Variants in ASCC3 observed in about 807,000 individuals in gnomAD.
ASCC3 encodes the protein ASC-1 complex subunit P200.
A neutral mutation model predicts 256.3 loss-of-function variants in ASCC3; 158 were observed. That is an observed-to-expected ratio of 0.62 (90% CI 0.54 to 0.70). ASCC3 has a LOEUF of 0.70. Among genes scored for constraint, ASCC3 ranks in the 30% least tolerant of loss-of-function variants. The probability of loss-of-function intolerance (pLI) is 0.00; values close to 1 mark genes in which losing one functional copy is unlikely to be tolerated. For synonymous variants in ASCC3, 948 were observed against 883.4 expected, an observed-to-expected ratio of 1.07 and a Z score of -1.30; for missense variants, 2,259 against 2,626.0, an observed-to-expected ratio of 0.86 and a Z score of 3.05.
chr6:100,781,841 T>G (rs1229903438), intron 8 of ASCC3, among the ~76,000 whole-genome samples: 2 of 152,036 alleles, frequency 1.3e-5, no homozygotes, highest in African/African-American at 4.8e-5. Context: ...AAATTATGTA[T>G]TACATAAGAA....
In ASCC3 at chr6:100,662,498, G is replaced by A. The variant is rs771883091; in HGVS notation, c.2325C>T (p.Phe775=). 2.5e-6 allele frequency: 4 copies of A among 1,613,088 alleles called. No homozygotes were observed. In the South Asian group the frequency reaches 4.4e-5, roughly 18 times the overall value. The change falls in exon 15 of 42, where the codon TTC becomes TTT. Residue 775 remains phenylalanine (F), a synonymous_variant. Coordinates refer to ENST00000369162, the MANE Select transcript of ASCC3 (RefSeq NM_006828.4). ...CATGATGAATACTAAAACCATCTGGGAATAATTCTCGTACTTGCTTATTTC... is the reference window on the plus strand; with the variant it reads ...CATGATGAATACTAAAACCATCTGGAAATAATTCTCGTACTTGCTTATTTC... ...RSRNKQVREL[F]PDGFSIHHAG...
chr6:100,525,543 T>A (rs922811818), intron 37 of ASCC3, among the ~76,000 whole-genome samples: 41 of 151,956 alleles, frequency 2.7e-4, no homozygotes, highest in Admixed American at 2.5e-3. Flanking sequence ...TATACCTGTA[T>A]CAAAATGTTA....
intron 34 of ASCC3, among the ~76,000 whole-genome samples, chr6:100,600,298 G>GT (rs1205514738): frequency 6.6e-6 from 1 of 151,878 alleles, no homozygotes; most frequent in Non-Finnish European, 1.5e-5. Flanking sequence ...TCAAGAAATA[G>GT]TAATGGGACC....
At chr6:100,650,101 GC>G (rs1476568838) in intron 20 of ASCC3, among the ~76,000 whole-genome samples, 2 of 151,442 alleles carry the variant, frequency 1.3e-5, no homozygotes, top group Non-Finnish European at 1.5e-5. Flanking sequence ...TGTTTACTAC[GC>G]CTTGTTTAAT....
chr6:100,662,281 T>A (rs1210506523), intron 15 of ASCC3, 64 bp downstream of exon 15: 2 of 1,510,922 alleles, frequency 1.3e-6, no homozygotes, highest in Non-Finnish European at 1.8e-6. Flanking sequence ...TCTATGTAAG[T>A]CAACCCAGAG....
intron 1 of ASCC3, among the ~76,000 whole-genome samples, chr6:100,868,923 A>T (rs1773609791): frequency 6.6e-6 from 1 of 152,192 alleles, no homozygotes; most frequent in African/African-American, 2.4e-5. Flanking sequence ...AAAGATTAAT[A>T]ATATTTACTA....
intron 11 of ASCC3, among the ~76,000 whole-genome samples, chr6:100,721,492 C>G (rs1779329755): frequency 1.3e-5 from 2 of 151,626 alleles, no homozygotes; most frequent in Admixed American, 6.6e-5. Flanking sequence ...TGGGCCAGAG[C>G]ACATGCCTTG....
chr6:100,724,161 A>AC (rs1393176930), intron 11 of ASCC3, among the ~76,000 whole-genome samples: 3 of 139,814 alleles, frequency 2.1e-5, no homozygotes, highest in Non-Finnish European at 4.7e-5. Flanking sequence ...AAAAAAAAAC[A>AC]AAAAAAAACA....
intron 13 of ASCC3, among the ~76,000 whole-genome samples, chr6:100,711,058 T>C (rs1437520841): frequency 6.6e-6 from 1 of 152,136 alleles, no homozygotes; most frequent in Non-Finnish European, 1.5e-5. Context: ...TCAATCTCAA[T>C]AGGAAAAAAT....
At chr6:100,763,551 T>C (rs946462732) in intron 10 of ASCC3, among the ~76,000 whole-genome samples, 2 of 152,034 alleles carry the variant, frequency 1.3e-5, no homozygotes, top group African/African-American at 4.8e-5. Flanking sequence ...CGGGAGAGAA[T>C]AAAAGCTGAA....
Position 100,819,223 on chromosome 6 carries a change from G to C in ASCC3, c.802-13343C>G, listed in dbSNP as rs184229738. The stretch of plus-strand genomic sequence containing the variant: ...GAGAAGTACCTAAGGTAAATGAAGA[G>C]TTGATGGGTGCAGCAAACCAACATG... On this transcript the variant is annotated intron_variant, in intron 4 of 41. Transcript: ENST00000369162. Among the ~76,000 whole-genome samples the C allele has an allele frequency of 7.2e-5, 11 of 152,186 alleles. No homozygotes were observed. In the East Asian group the frequency reaches 2.1e-3, roughly 29 times the overall value.
At chr6:100,867,532 GAT>G (rs1217138251) in intron 2 of ASCC3, among the ~76,000 whole-genome samples, 1 of 151,884 alleles carries the variant, frequency 6.6e-6, no homozygotes, top group East Asian at 1.9e-4. Flanking sequence ...TTGTTCATTT[GAT>G]AAGAATTTTA....
intron 36 of ASCC3, among the ~76,000 whole-genome samples, chr6:100,542,479 G>A (rs929951369): frequency 6.6e-6 from 1 of 152,076 alleles, no homozygotes; most frequent in Admixed American, 6.6e-5. Context: ...TCAAGAGATT[G>A]AGACCATCCT....
At chr6:100,580,211 G>C (rs527962215) in intron 36 of ASCC3, among the ~76,000 whole-genome samples, 2 of 152,068 alleles carry the variant, frequency 1.3e-5, no homozygotes, top group African/African-American at 4.8e-5. Context: ...TTTCAGAAAA[G>C]TTAATAGTAA....
At chr6:100,664,599 A>G (rs1444872740) in intron 14 of ASCC3, among the ~76,000 whole-genome samples, 3 of 152,162 alleles carry the variant, frequency 2.0e-5, no homozygotes, top group Non-Finnish European at 4.4e-5. Context: ...ATTCTTATGC[A>G]GTGCAGTCAG....
intron 10 of ASCC3, among the ~76,000 whole-genome samples, chr6:100,756,431 A>G (rs1781183003): frequency 6.6e-6 from 1 of 152,086 alleles, no homozygotes; most frequent in African/African-American, 2.4e-5. Context: ...AACTTTCTTA[A>G]TAATCTTTGA....
At position 100,530,454 on chromosome 6, in the gene ASCC3, C is replaced by T. The variant is rs557865206; in HGVS notation, c.5775+9709G>A. On this transcript the variant is annotated intron_variant, in intron 37 of 41. Transcript: ENST00000369162. Reference sequence around the variant, plus strand: ...TATATGAGAGAGTGTAAAAGGATCACTGGAAAGGAAGAAGTTAGAACAACT... The same window carrying T: ...TATATGAGAGAGTGTAAAAGGATCATTGGAAAGGAAGAAGTTAGAACAACT... The T allele has an allele frequency of 1.7e-5, 14 of 812,596 alleles. No individual in the cohort carries two copies. In the East Asian group the frequency reaches 2.7e-4, roughly 15 times the overall value. The allele number at this position is 812,596 out of a possible 1,614,324, so 50.3% of individuals were successfully genotyped here.
At chr6:100,531,200 C>T (rs1414456913) in intron 37 of ASCC3, 1 of 608,428 alleles carries the variant, frequency 1.6e-6, no homozygotes, top group Non-Finnish European at 2.9e-6. Flanking sequence ...ACATCTTGGA[C>T]CATATTGTAT....
At chr6:100,562,846 A>G (rs1010216871) in intron 36 of ASCC3, among the ~76,000 whole-genome samples, 5 of 152,102 alleles carry the variant, frequency 3.3e-5, no homozygotes, top group Admixed American at 2.6e-4. Context: ...TTCCAGGTCA[A>G]TGAAGACTGT....
Sources: allele counts gnomAD v4.1 joint callset (sites outside exome capture counted in the v4.1 genomes callset), GRCh38; gene constraint gnomAD v4.1.1; transcripts MANE v1.5; gene names NCBI Gene and HGNC (gene_info 2026-07-23, HGNC 2026-07-21).